Variants in BBS4 observed in about 807,000 individuals in gnomAD.
The protein encoded by BBS4 is BBSome complex member BBS4.
BBS4 carries 58 observed loss-of-function variants against 71.4 expected under a neutral mutation model. The observed-to-expected ratio is 0.81, with a 90% confidence interval of 0.66 to 1.01. The LOEUF (loss-of-function observed/expected upper bound fraction) is 1.01. Ranked by LOEUF, BBS4 falls within the 50% of genes least tolerant of loss-of-function variation. BBS4 has a pLI of 0.00. For missense variants in BBS4, 660 were observed against 607.9 expected (o/e 1.09, Z -0.90); for synonymous variants, 228 against 216.8 (o/e 1.05, Z -0.46).
At chr15:72,703,127 C>T (rs960985023) in intron 2 of BBS4, among the ~76,000 whole-genome samples, 6 of 152,154 alleles carry the variant, frequency 3.9e-5, no homozygotes, top group Non-Finnish European at 7.3e-5. Flanking sequence ...CTGACTCTTG[C>T]AGCCTCCTTT....
At position 72,692,789 on chromosome 15, in the gene BBS4, A is replaced by T. The variant is rs554283380; in HGVS notation, c.25-2388A>T. 1.3e-4 allele frequency among the ~76,000 whole-genome samples: 20 copies of T among 150,900 alleles called. No homozygotes were observed. In the South Asian group the frequency reaches 4.2e-3, roughly 32 times the overall value. ...TCTAAAGTTTTTTTTATAGAGGCAG[A>T]GTCTCGCTGTTTTGCCCAAGCTGTT... is the stretch of plus-strand genomic sequence containing the variant. On this transcript the variant is annotated intron_variant, in intron 1 of 15. Coordinates refer to ENST00000268057, the MANE Select transcript of BBS4 (RefSeq NM_033028.5).
Position 72,737,619 on chromosome 15 carries a change from T to C in BBS4, c.*32T>C, listed in dbSNP as rs745886392. On this transcript the variant is annotated 3_prime_UTR_variant, in exon 16 of 16. Transcript: ENST00000268057. Reference sequence around the variant, plus strand: ...AATGAATGACCCCAAAATAGGGTTTTCTTGGGCGAGGATGTGCTGGATTAG... The same window carrying C: ...AATGAATGACCCCAAAATAGGGTTTCCTTGGGCGAGGATGTGCTGGATTAG... 9.8e-6 allele frequency: 15 copies of C among 1,529,790 alleles called. No individual in the cohort carries two copies. The South Asian group carries it at 1.7e-4, about 17-fold the overall frequency. 94.8% of individuals were successfully genotyped at this position (1,529,790 alleles called of 1,614,324 possible). A position where few individuals can be genotyped will look rare whatever the true frequency, so the allele number is the denominator to read the frequency against.
intron 12 of BBS4, 180 bp from the exon 13 acceptor site, chr15:72,734,933 G>T: frequency 1.6e-6 from 1 of 617,960 alleles, no homozygotes; most frequent in Non-Finnish European, 3.0e-6. Flanking sequence ...AGGATGCATA[G>T]AACCTGGCAA....
At chr15:72,720,385 A>G (rs889127754) in intron 6 of BBS4, among the ~76,000 whole-genome samples, 8 of 150,842 alleles carry the variant, frequency 5.3e-5, no homozygotes, top group African/African-American at 1.7e-4. Flanking sequence ...AGGCTGAGGT[A>G]GGAGGATCAC....
At chr15:72,725,901 ATCCCCCTTTCCCCATCCCCCT>A (rs2065682254) in intron 8 of BBS4, among the ~76,000 whole-genome samples, 1 of 250 alleles carries the variant, frequency 4.0e-3, no homozygotes, top group African/African-American at 0.021. Context: ...CCCTTTCCCC[ATCCCCCTTTCCCCATCCCCCT>A]TCCCCCTTTC....
chr15:72,705,794 AG>A (rs1457410188), intron 2 of BBS4, among the ~76,000 whole-genome samples: 4 of 151,870 alleles, frequency 2.6e-5, no homozygotes, highest in Admixed American at 2.6e-4. Context: ...GGGTTTGTCC[AG>A]GCTGGCCTTG....
chr15:72,724,533 A>G lies in BBS4; in HGVS notation c.465A>G (p.Gln155=). ...TATTTTGTTAAACTTGTCAGGCACA[A>G]GACCAGTTGCACAATGCCCTGAATC... The part of the protein sequence containing the change: ...YIYLKQFNKA[Q]DQLHNALNLN... The change falls in exon 8 of 16, where the codon CAA becomes CAG. Residue 155 remains glutamine (Q), a synonymous_variant. Coordinates refer to ENST00000268057, the MANE Select transcript of BBS4 (RefSeq NM_033028.5). 6.2e-7 allele frequency: 1 copy of G among 1,614,016 alleles called. No homozygotes were observed. The highest frequency in any genetic ancestry group is 8.5e-7 in the Non-Finnish European group (1 of 1,179,918).
intron 2 of BBS4, among the ~76,000 whole-genome samples, chr15:72,703,152 C>T (rs1352420643): frequency 2.6e-5 from 4 of 152,120 alleles, no homozygotes; most frequent in African/African-American, 4.8e-5. Context: ...CCCAGGCTTC[C>T]GTGTCAGCAG....
intron 2 of BBS4, among the ~76,000 whole-genome samples, chr15:72,696,857 C>T (rs762204919): frequency 2.6e-5 from 4 of 152,152 alleles, no homozygotes; most frequent in Non-Finnish European, 4.4e-5. Context: ...TCCTGAAGTA[C>T]TGGCATTACA....
chr15:72,724,307 A>G (rs2065628301), intron 7 of BBS4, among the ~76,000 whole-genome samples: 1 of 152,184 alleles, frequency 6.6e-6, no homozygotes, highest in Non-Finnish European at 1.5e-5. Context: ...TCTTGTATAA[A>G]TTCTTCCAAG....
At chr15:72,724,978 A>G (rs547295907) in intron 8 of BBS4, among the ~76,000 whole-genome samples, 48 of 151,920 alleles carry the variant, frequency 3.2e-4, no homozygotes, top group Non-Finnish European at 6.5e-4. Flanking sequence ...TGTAACATCC[A>G]CATCCAGGCT....
intron 2 of BBS4, among the ~76,000 whole-genome samples, chr15:72,702,120 A>G (rs55914134): frequency 0.54 from 82,053 of 151,786 alleles, 23,660 homozygotes; most frequent in Middle Eastern, 0.67. Flanking sequence ...TGCTGGGATT[A>G]CAGGCGTGAG....
chr15:72,704,375 T>A (rs1308259378), intron 2 of BBS4: 1 of 1,121,272 alleles, frequency 8.9e-7, no homozygotes, highest in Admixed American at 2.3e-5. Context: ...AACTAGTAAT[T>A]CTCATAATAC....
At chr15:72,704,277 A>G (rs1183027950) in intron 2 of BBS4, 5 of 390,058 alleles carry the variant, frequency 1.3e-5, no homozygotes, top group Non-Finnish European at 2.4e-5. Flanking sequence ...CCTGAAATGT[A>G]GCATTGGAGA....
intron 1 of BBS4, among the ~76,000 whole-genome samples, chr15:72,690,674 T>A (rs1038270942): frequency 6.6e-6 from 1 of 152,230 alleles, no homozygotes; most frequent in African/African-American, 2.4e-5. Context: ...TGCACAGCTG[T>A]CATCAGAGGC....
rs373344695 is a variant in BBS4 at position 72,735,814 on chromosome 15, G to C, written c.1107-11G>C. Reference sequence around the variant, plus strand: ...GAGCCCCCAGCTCCATAGAATCTCTGTCTGCCACAGGTGTAACCCTTTAGT... The same window carrying C: ...GAGCCCCCAGCTCCATAGAATCTCTCTCTGCCACAGGTGTAACCCTTTAGT... On this transcript the variant is annotated splice_polypyrimidine_tract_variant and intron_variant, in intron 13 of 15. Transcript: ENST00000268057. The C allele has an allele frequency of 3.8e-4, 617 of 1,613,958 alleles. No individual in the cohort carries two copies. Among genetic ancestry groups the C allele is most frequent in the Non-Finnish European group, 5.0e-4 (594 of 1,179,972 alleles).
Position 72,738,096 on chromosome 15 carries a change from GAAAAA to G in BBS4, c.*513_*517del. ...CAACTTTAATAGTATACATTTAAAA[GAAAAA>G]AAACAAAAGCCCTGGAAGTTGAGGC... On this transcript the variant is annotated 3_prime_UTR_variant, in exon 16 of 16. Coordinates refer to ENST00000268057, the MANE Select transcript of BBS4 (RefSeq NM_033028.5). The G allele has an allele frequency of 2.2e-6, 1 of 450,846 alleles. No homozygotes were observed. 27.9% of individuals were successfully genotyped at this position (450,846 alleles called of 1,614,324 possible). A position where few individuals can be genotyped will look rare whatever the true frequency, so the allele number is the denominator to read the frequency against.
At chr15:72,733,118 T>C (rs2065856743) in intron 12 of BBS4, among the ~76,000 whole-genome samples, 2 of 151,996 alleles carry the variant, frequency 1.3e-5, no homozygotes, top group African/African-American at 4.8e-5. Flanking sequence ...GGAGGGACAG[T>C]CTCCCCAGGG....
intron 2 of BBS4, among the ~76,000 whole-genome samples, chr15:72,696,994 G>A (rs755022481): frequency 8.5e-5 from 13 of 152,208 alleles, no homozygotes; most frequent in Non-Finnish European, 1.5e-4. Context: ...GTGCAGTGGT[G>A]CAGTCTCAGC....
Sources: gnomAD v4.1 joint callset for allele counts (sites outside exome capture counted in the v4.1 genomes callset) on GRCh38, gnomAD v4.1.1 for gene constraint, MANE v1.5 for transcripts, NCBI Gene and HGNC (gene_info 2026-07-23, HGNC 2026-07-21) for gene names.